The following GRIK5 variants were observed in gnomAD, a reference collection of about 807,000 sequenced individuals.
GRIK5 encodes glutamate receptor ionotropic, kainate 5.
Under a neutral mutation model 97.4 loss-of-function variants are expected in GRIK5, and 43 were observed. The observed-to-expected ratio is 0.44, with a 90% CI of 0.35 to 0.57. The LOEUF (loss-of-function observed/expected upper bound fraction) is 0.57, where lower values mean the gene tolerates loss of function less well. GRIK5 is among the 20% of genes least tolerant of loss of function. The probability of loss-of-function intolerance (pLI) is 0.01; values close to 1 mark genes in which losing one functional copy is unlikely to be tolerated. For missense variants in GRIK5, 1,015 were observed against 1,382.0 expected, an observed-to-expected ratio of 0.73 and a Z score of 4.21; for synonymous variants, 580 against 583.5, an observed-to-expected ratio of 0.99 and a Z score of 0.09.
chr19:42,025,271 G>A (rs779839201), intron 12 of GRIK5, among the ~76,000 whole-genome samples: 13 of 152,130 alleles, frequency 8.5e-5, no homozygotes, highest in Non-Finnish European at 1.6e-4. Context: ...ACCATTCTAC[G>A]CATGAGGAAA....
chr19:42,031,852 G>C (rs1468616068), intron 12 of GRIK5, among the ~76,000 whole-genome samples: 1 of 152,194 alleles, frequency 6.6e-6, no homozygotes, highest in Non-Finnish European at 1.5e-5. Flanking sequence ...ATGCTTGTTG[G>C]CCAGGTGCAA....
chr19:42,067,367 G>A (rs1049632533), intron 1 of GRIK5, among the ~76,000 whole-genome samples: 1 of 152,234 alleles, frequency 6.6e-6, no homozygotes, highest in Admixed American at 6.5e-5. Flanking sequence ...GCAAGTCACT[G>A]CCTTCTAGGC....
chr19:42,028,141 A>C (rs751858684), intron 12 of GRIK5, among the ~76,000 whole-genome samples: 1 of 152,142 alleles, frequency 6.6e-6, no homozygotes, highest in Non-Finnish European at 1.5e-5. Flanking sequence ...TAAAAGACCT[A>C]TTCCTTAGAG....
Position 42,062,667 on chromosome 19 carries a change from A to G in GRIK5, c.343-14T>C, listed in dbSNP as rs770044128. On this transcript the variant is annotated splice_polypyrimidine_tract_variant and intron_variant, in intron 4 of 19. Transcript: ENST00000593562. The surrounding 1 kb of genome is among the most constrained non-coding windows in gnomAD (Gnocchi z 5.3). ...GATGTGGGGGATCTGGACAGAGAGG[A>G]AACTTTGGCCTCCATCCTGCTTCTC... 3.7e-6 allele frequency: 6 copies of G among 1,613,886 alleles called. No homozygotes were observed. Among genetic ancestry groups the G allele is most frequent in the Non-Finnish European group, 5.1e-6 (6 of 1,179,866 alleles).
At chr19:42,060,398 AAT>A (rs2076243379) in intron 5 of GRIK5, among the ~76,000 whole-genome samples, 1 of 152,050 alleles carries the variant, frequency 6.6e-6, no homozygotes, top group Non-Finnish European at 1.5e-5. Context: ...GGTTAGAAAT[AAT>A]GAGTTCTATG....
chr19:42,036,883 G>A (rs1170596027), intron 12 of GRIK5, among the ~76,000 whole-genome samples: 6 of 152,206 alleles, frequency 3.9e-5, no homozygotes, highest in African/African-American at 1.4e-4. Flanking sequence ...TCTATGACCT[G>A]TGCTGATCTC....
At chr19:42,050,255 C>G (rs762855636) in intron 11 of GRIK5, among the ~76,000 whole-genome samples, 3 of 152,080 alleles carry the variant, frequency 2.0e-5, no homozygotes, top group African/African-American at 4.8e-5. Context: ...AATCCCCTCA[C>G]TTTAAAGGAG....
intron 11 of GRIK5, among the ~76,000 whole-genome samples, chr19:42,044,543 A>C (rs2076019670): frequency 6.6e-6 from 1 of 152,222 alleles, no homozygotes; most frequent in Admixed American, 6.5e-5. Context: ...ACAAATGGGA[A>C]ACTTATCTGG....
chr19:42,027,736 TA>T (rs926187388), intron 12 of GRIK5, among the ~76,000 whole-genome samples: 4 of 152,204 alleles, frequency 2.6e-5, no homozygotes, highest in African/African-American at 9.7e-5. Flanking sequence ...GGAAGGATCC[TA>T]AATGCTGCAA....
intron 15 of GRIK5, among the ~76,000 whole-genome samples, chr19:42,019,773 T>C (rs956854746): frequency 6.6e-6 from 1 of 152,170 alleles, no homozygotes. Flanking sequence ...GGCTTCTAAA[T>C]GCTGGAAAAG....
At chr19:42,030,608 G>A (rs897680370) in intron 12 of GRIK5, among the ~76,000 whole-genome samples, 2 of 151,828 alleles carry the variant, frequency 1.3e-5, no homozygotes, top group African/African-American at 4.8e-5. Context: ...ATAGGCATGT[G>A]CCATGCCCAG....
chr19:41,998,835 C>T lies in GRIK5; in HGVS notation c.*36G>A. The stretch of plus-strand genomic sequence containing the variant: ...GGGCCTGGGGCGGGCCCCGTCCCTT[C>T]GGTCAGTCCGGGCGCCCGCACAGCC... On this transcript the variant is annotated 3_prime_UTR_variant, in exon 20 of 20. Transcript: ENST00000593562. 3.7e-6 allele frequency: 4 copies of T among 1,075,734 alleles called. No homozygotes were observed. The highest frequency in any genetic ancestry group is 4.6e-6 in the Non-Finnish European group (4 of 877,922). The allele number at this position is 1,075,734 out of a possible 1,614,324, so 66.6% of individuals were successfully genotyped here.
At position 42,003,631 on chromosome 19, in the gene GRIK5, G is replaced by A. The variant is rs1555871668; in HGVS notation, c.2316C>T (p.Asn772=). The change falls in exon 18 of 20, where the codon AAC becomes AAT. Residue 772 remains asparagine (N), a synonymous_variant. Transcript: ENST00000593562. This position sits in a 1 kb window ranked among gnomAD's most constrained non-coding sequence, Gnocchi z 4.2. ...ITLAILQLQE[N]NRLEILKRKW... is the part of the protein sequence containing the mutation. ...TGCGCTTCAGGATCTCCAGCCGGTT[G>A]TTCTCCTGAAGCTGCAGGATGGCCA... The A allele has an allele frequency of 6.2e-7, 1 of 1,613,814 alleles. No homozygotes were observed.
At chr19:42,009,821 C>G (rs2075540039) in intron 15 of GRIK5, among the ~76,000 whole-genome samples, 2 of 148,834 alleles carry the variant, frequency 1.3e-5, no homozygotes, top group Admixed American at 6.7e-5. Flanking sequence ...AATTCTAGCA[C>G]TTTCGGAGGC....
Position 41,998,974 on chromosome 19 carries a change from G to T in GRIK5, c.2840C>A (p.Ala947Asp). The T allele has an allele frequency of 5.2e-6, 6 of 1,147,652 alleles. No individual in the cohort carries two copies. Among genetic ancestry groups the T allele is most frequent in the Non-Finnish European group, 5.4e-6 (5 of 931,646 alleles). The allele number at this position is 1,147,652 out of a possible 1,614,324, so 71.1% of individuals were successfully genotyped here. Residue 947 changes from alanine to aspartate, a missense_variant, in exon 20 of 20, where the codon GCC (alanine) becomes GAC (aspartate). Physicochemically the swap from Ala to Asp is moderately radical, Grantham distance 126. Transcript: ENST00000593562. ...RRIQALRASG[A>D]GAPPRGLGVP... ...GCCCAGGCCACGCGGAGGCGCGCCG[G>T]CCCCCGAGGCCCGCAGCGCCTGGAT...
intron 12 of GRIK5, among the ~76,000 whole-genome samples, chr19:42,035,400 C>T (rs546221727): frequency 1.1e-4 from 17 of 152,010 alleles, no homozygotes; most frequent in African/African-American, 3.6e-4. Context: ...ATCATTTTTG[C>T]AAAAATAAAA....
At position 42,005,787 on chromosome 19, in the gene GRIK5, G is replaced by A. The variant is rs1555872381; in HGVS notation, c.2199C>T (p.Asn733=). 1.2e-6 allele frequency: 2 copies of A among 1,614,210 alleles called. No homozygotes were observed. The highest frequency in any genetic ancestry group is 1.1e-5 in the South Asian group (1 of 91,080). ...STMNEYHRRL[N]CNLTQIGGLL... ...GTCCCCCGATCTGGGTGAGGTTGCAGTTGAGGCGCCGGTGGTATTCGTTCA... is the reference window on the plus strand; with the variant it reads ...GTCCCCCGATCTGGGTGAGGTTGCAATTGAGGCGCCGGTGGTATTCGTTCA... Residue 733 remains asparagine (N), a synonymous_variant, in exon 17 of 20, where the codon AAC becomes AAT. Transcript: ENST00000593562.
chr19:42,034,822 T>C (rs2075882042), intron 12 of GRIK5, among the ~76,000 whole-genome samples: 1 of 133,930 alleles, frequency 7.5e-6, no homozygotes, highest in South Asian at 2.7e-4. Context: ...TATCATACGC[T>C]GTCAGTTTCC....
intron 11 of GRIK5, among the ~76,000 whole-genome samples, chr19:42,053,178 T>C (rs549076220): frequency 3.9e-5 from 6 of 152,244 alleles, no homozygotes; most frequent in African/African-American, 9.6e-5. Flanking sequence ...ATTAGAGACA[T>C]AGCTTCCAGT....
Sources: allele counts gnomAD v4.1 joint callset (sites outside exome capture counted in the v4.1 genomes callset), GRCh38; gene constraint gnomAD v4.1.1; non-coding constraint Gnocchi (gnomAD v3.1); transcripts MANE v1.5; gene names NCBI Gene and HGNC (gene_info 2026-07-23, HGNC 2026-07-21).